LRMDA: variants seen among roughly 807,000 people sequenced by gnomAD.
LRMDA encodes the protein leucine-rich melanocyte differentiation-associated protein.
LRMDA carries 18 observed loss-of-function variants against 29.8 expected under a neutral mutation model. That is an observed-to-expected ratio of 0.60 (90% confidence interval 0.42 to 0.90). The LOEUF is 0.90. Ranked by LOEUF, LRMDA falls within the 40% of genes least tolerant of loss-of-function variation. LRMDA has a pLI of 0.00. For missense variants in LRMDA, 273 were observed against 273.9 expected, an observed-to-expected ratio of 1.00 and a Z score of 0.02; for synonymous variants, 125 against 109.4, an observed-to-expected ratio of 1.14 and a Z score of -0.89.
chr10:76,276,290 C>A (rs1840133715), intron 5 of LRMDA, among the ~76,000 whole-genome samples: 1 of 151,380 alleles, frequency 6.6e-6, no homozygotes, highest in Non-Finnish European at 1.5e-5. Flanking sequence ...CAAGCATGTG[C>A]CACTATGTCC....
intron 2 of LRMDA, among the ~76,000 whole-genome samples, chr10:75,454,064 G>C (rs567501846): frequency 6.6e-6 from 1 of 152,106 alleles, no homozygotes; most frequent in Non-Finnish European, 1.5e-5. Flanking sequence ...CAGACGGAGG[G>C]GGCAGGGAAC....
At chr10:75,481,778 C>T (rs1844858055) in intron 2 of LRMDA, among the ~76,000 whole-genome samples, 1 of 152,188 alleles carries the variant, frequency 6.6e-6, no homozygotes, top group Admixed American at 6.5e-5. Flanking sequence ...CATTCTCCCT[C>T]TCTCTGCCCA....
At chr10:75,966,901 G>A (rs1564618708) in intron 2 of LRMDA, among the ~76,000 whole-genome samples, 1 of 152,200 alleles carries the variant, frequency 6.6e-6, no homozygotes, top group Non-Finnish European at 1.5e-5. Flanking sequence ...TTAGCACCTG[G>A]CACCCAGTAG....
chr10:76,102,617 G>A (rs779815983), intron 5 of LRMDA, among the ~76,000 whole-genome samples: 1 of 152,012 alleles, frequency 6.6e-6, no homozygotes, highest in Non-Finnish European at 1.5e-5. Flanking sequence ...TACCATATTT[G>A]CTTTTTCCAT....
intron 2 of LRMDA, among the ~76,000 whole-genome samples, chr10:75,497,550 C>T (rs1845061325): frequency 1.3e-5 from 2 of 151,826 alleles, no homozygotes. Flanking sequence ...CAAACCCTAT[C>T]AAAGTGTAGA....
intron 6 of LRMDA, among the ~76,000 whole-genome samples, chr10:76,519,595 A>G (rs541581063): frequency 2.0e-5 from 3 of 152,320 alleles, no homozygotes; most frequent in African/African-American, 7.2e-5. Context: ...TAAATGTTTG[A>G]TATACGGTGA....
chr10:76,395,059 T>G (rs2132488607), intron 6 of LRMDA, among the ~76,000 whole-genome samples: 1 of 152,266 alleles, frequency 6.6e-6, no homozygotes, highest in East Asian at 1.9e-4. Context: ...TTCTAAACTC[T>G]TCACTTAAAG....
At chr10:75,636,882 C>T (rs1171854968) in intron 2 of LRMDA, among the ~76,000 whole-genome samples, 1 of 151,958 alleles carries the variant, frequency 6.6e-6, no homozygotes, top group Non-Finnish European at 1.5e-5. Flanking sequence ...GTATCCATCA[C>T]ACATCTAGGC....
chr10:76,236,246 G>A (rs1054461051), intron 5 of LRMDA, among the ~76,000 whole-genome samples: 2 of 152,126 alleles, frequency 1.3e-5, no homozygotes, highest in Non-Finnish European at 2.9e-5. Flanking sequence ...AATTAAGCAG[G>A]CTGCACTTTG....
chr10:76,361,129 T>G (rs1022232384), intron 6 of LRMDA, among the ~76,000 whole-genome samples: 7 of 151,900 alleles, frequency 4.6e-5, no homozygotes, highest in Non-Finnish European at 5.9e-5. Flanking sequence ...GATGCTGTGT[T>G]GTGTGCCTGT....
chr10:75,761,748 G>A lies in LRMDA; in HGVS notation c.132-274260G>A, dbSNP rs184885592. 2.0e-5 allele frequency among the ~76,000 whole-genome samples: 3 copies of A among 151,448 alleles called. No homozygotes were observed. The East Asian group carries it at 5.8e-4, about 29-fold the overall frequency. ...AGGATATCTAAGAAGCAAGGAGAATGCAGCCTAAGAAAGATACAAATTCCC... is the reference window on the plus strand; with the variant it reads ...AGGATATCTAAGAAGCAAGGAGAATACAGCCTAAGAAAGATACAAATTCCC... On this transcript the variant is annotated intron_variant, in intron 2 of 6. Transcript: ENST00000611255.
chr10:75,615,070 G>T (rs1841082393), intron 2 of LRMDA, among the ~76,000 whole-genome samples: 1 of 152,180 alleles, frequency 6.6e-6, no homozygotes, highest in East Asian at 1.9e-4. Context: ...TTTAACGAAG[G>T]ATGTGGCCAT....
At chr10:75,750,675 A>T (rs1842953110) in intron 2 of LRMDA, among the ~76,000 whole-genome samples, 1 of 121,210 alleles carries the variant, frequency 8.3e-6, no homozygotes, top group African/African-American at 3.2e-5. Flanking sequence ...CACTTCCCAG[A>T]CGGGATGGCG....
chr10:75,757,494 G>A (rs900987081), intron 2 of LRMDA, among the ~76,000 whole-genome samples: 2 of 152,158 alleles, frequency 1.3e-5, no homozygotes, highest in African/African-American at 4.8e-5. Context: ...GTCACATGCG[G>A]TTGTTAGGGG....
intron 2 of LRMDA, among the ~76,000 whole-genome samples, chr10:76,022,697 T>C (rs1265814258): frequency 6.6e-6 from 1 of 152,106 alleles, no homozygotes; most frequent in Non-Finnish European, 1.5e-5. Flanking sequence ...GCCTCACTGC[T>C]CCACCAGCTC....
intron 6 of LRMDA, among the ~76,000 whole-genome samples, chr10:76,396,920 C>G (rs1302284887): frequency 6.6e-6 from 1 of 152,020 alleles, no homozygotes; most frequent in African/African-American, 2.4e-5. Context: ...GCTGCAGGCC[C>G]CCAGAAGTTT....
chr10:75,530,804 G>A (rs765443837), intron 2 of LRMDA, among the ~76,000 whole-genome samples: 27 of 152,232 alleles, frequency 1.8e-4, no homozygotes, highest in South Asian at 2.1e-4. Flanking sequence ...ACCTAAAGGT[G>A]GGCTTCAGGG....
intron 5 of LRMDA, among the ~76,000 whole-genome samples, chr10:76,117,271 A>T (rs566190638): frequency 1.9e-4 from 29 of 152,280 alleles, no homozygotes; most frequent in Middle Eastern, 3.4e-3. Context: ...TCAGTGAGGG[A>T]GTAAGTTGAA....
chr10:75,800,646 A>G (rs1028159784), intron 2 of LRMDA, among the ~76,000 whole-genome samples: 1 of 152,022 alleles, frequency 6.6e-6, no homozygotes, highest in Non-Finnish European at 1.5e-5. Context: ...TTCCCCTATT[A>G]TGACTCTCTT....
Sources: allele counts gnomAD v4.1 joint callset (sites outside exome capture counted in the v4.1 genomes callset), GRCh38; gene constraint gnomAD v4.1.1; transcripts MANE v1.5; gene names NCBI Gene and HGNC (gene_info 2026-07-23, HGNC 2026-07-21).